Variants in DTWD2 observed in about 807,000 individuals in gnomAD.
The protein encoded by DTWD2 is DTW motif tRNA-uridine aminocarboxypropyltransferase 2.
In DTWD2, 39 loss-of-function variants were observed where a neutral mutation model predicts 31.8. The ratio of observed to expected loss-of-function variants is 1.22; its 90% confidence interval spans 0.95 to 1.60. DTWD2 has a LOEUF of 1.60. DTWD2 is among the 40% of genes most tolerant of loss of function. DTWD2 has a pLI of 0.00. For missense variants in DTWD2, 515 were observed against 381.5 expected (o/e 1.35, Z -2.92); for synonymous variants, 180 against 142.8 (o/e 1.26, Z -1.86).
intron 4 of DTWD2, among the ~76,000 whole-genome samples, chr5:118,854,355 A>G (rs978222562): frequency 6.6e-6 from 1 of 152,062 alleles, no homozygotes; most frequent in Admixed American, 6.6e-5. Flanking sequence ...TGAAAACCTT[A>G]TGTCAAAATA....
chr5:118,948,720 G>A lies in DTWD2; in HGVS notation c.219-4071C>T, dbSNP rs188846928. On this transcript the variant is annotated intron_variant, in intron 1 of 5. Coordinates refer to ENST00000510708, the MANE Select transcript of DTWD2 (RefSeq NM_173666.4). ...TTCTGACCGCACAGCCCTGCACTTC[G>A]GCTGTGTGTAATGAAAAGGGTTGGG... Among the ~76,000 whole-genome samples, 212 of 152,158 alleles carry A rather than the reference G, an allele frequency of 1.4e-3. 3 individuals carry two copies. The highest frequency in any genetic ancestry group is 0.013 in the East Asian group (67 of 5,180).
chr5:118,853,766 G>A (rs566425726), intron 4 of DTWD2, among the ~76,000 whole-genome samples: 16 of 152,240 alleles, frequency 1.1e-4, no homozygotes, highest in Middle Eastern at 3.4e-3. Flanking sequence ...GAAAAACTAC[G>A]TATTGGGTAC....
intron 1 of DTWD2, among the ~76,000 whole-genome samples, chr5:118,954,450 T>C (rs1754540114): frequency 6.6e-6 from 1 of 152,196 alleles, no homozygotes; most frequent in African/African-American, 2.4e-5. Flanking sequence ...AGCCTACCTT[T>C]TTCACTGCTA....
chr5:118,908,404 C>T (rs951630235), intron 4 of DTWD2, among the ~76,000 whole-genome samples: 10 of 151,998 alleles, frequency 6.6e-5, no homozygotes, highest in African/African-American at 2.4e-4. Context: ...AAACAAAAAA[C>T]CCAAGCTTCA....
intron 1 of DTWD2, among the ~76,000 whole-genome samples, chr5:118,966,054 C>T (rs978542170): frequency 2.0e-5 from 3 of 151,700 alleles, no homozygotes; most frequent in African/African-American, 7.3e-5. Flanking sequence ...ATGCACATAC[C>T]ACTATTTCTC....
In DTWD2 at chr5:118,863,659, T is replaced by A. The variant is rs555672311; in HGVS notation, c.598-15441A>T. ...TTTTGAGTCATTGTATTATAGCATT[T>A]TTGGACATAGAAGACATGCAGCTTG... On this transcript the variant is annotated intron_variant, in intron 4 of 5. Coordinates refer to ENST00000510708, the MANE Select transcript of DTWD2 (RefSeq NM_173666.4). Among the ~76,000 whole-genome samples, 260 of 152,320 alleles carry A rather than the reference T, an allele frequency of 1.7e-3. 1 individual carries two copies. Among genetic ancestry groups the A allele is most frequent in the Non-Finnish European group, 2.6e-3 (177 of 68,026 alleles).
chr5:118,967,070 A>G (rs77035042), intron 1 of DTWD2, among the ~76,000 whole-genome samples: 1 of 151,890 alleles, frequency 6.6e-6, no homozygotes, highest in Non-Finnish European at 1.5e-5. Context: ...AAAAAAAAAA[A>G]GTCAAATAGT....
intron 5 of DTWD2, among the ~76,000 whole-genome samples, chr5:118,841,571 G>A (rs909334003): frequency 2.0e-5 from 3 of 152,090 alleles, no homozygotes; most frequent in Non-Finnish European, 2.9e-5. Flanking sequence ...TTAGTGCCAT[G>A]GACCACATAC....
At chr5:118,862,525 A>G (rs1454882325) in intron 4 of DTWD2, among the ~76,000 whole-genome samples, 1 of 151,470 alleles carries the variant, frequency 6.6e-6, no homozygotes, top group Non-Finnish European at 1.5e-5. Context: ...ATTTAAAACT[A>G]AAAAAAAAGT....
chr5:118,973,348 G>A (rs942447126), intron 1 of DTWD2, among the ~76,000 whole-genome samples: 17 of 152,076 alleles, frequency 1.1e-4, no homozygotes, highest in Admixed American at 6.6e-4. Context: ...TCTTCATAGC[G>A]TCGATGGTCT....
chr5:118,954,542 G>A (rs1754542817), intron 1 of DTWD2, among the ~76,000 whole-genome samples: 1 of 151,942 alleles, frequency 6.6e-6, no homozygotes, highest in African/African-American at 2.4e-5. Flanking sequence ...TGAGACAGGT[G>A]TCACTCTGTC....
chr5:118,867,628 C>A (rs559403929), intron 4 of DTWD2, among the ~76,000 whole-genome samples: 14 of 152,298 alleles, frequency 9.2e-5, no homozygotes, highest in African/African-American at 2.9e-4. Flanking sequence ...ATGGTTAAAT[C>A]AGGTTGTCGG....
At chr5:118,875,830 G>A (rs1391658445) in intron 4 of DTWD2, among the ~76,000 whole-genome samples, 1 of 152,132 alleles carries the variant, frequency 6.6e-6, no homozygotes, top group Non-Finnish European at 1.5e-5. Context: ...AAGATATTAA[G>A]GACCTGAACT....
At chr5:118,941,590 T>A (rs149651459) in intron 2 of DTWD2, among the ~76,000 whole-genome samples, 4,734 of 152,298 alleles carry the variant, frequency 0.031, 219 homozygotes, top group African/African-American at 0.095. Context: ...GTTGGACATT[T>A]AGGTTGGTTC....
chr5:118,948,178 T>C (rs1754381463), intron 1 of DTWD2, among the ~76,000 whole-genome samples: 1 of 151,968 alleles, frequency 6.6e-6, no homozygotes, highest in Non-Finnish European at 1.5e-5. Context: ...GAACTGCCAT[T>C]AATAAACCAA....
chr5:118,956,292 C>G (rs981442801), intron 1 of DTWD2, among the ~76,000 whole-genome samples: 2 of 152,218 alleles, frequency 1.3e-5, no homozygotes, highest in Non-Finnish European at 2.9e-5. Context: ...AAAACCTATA[C>G]AACCCAATTA....
intron 4 of DTWD2, among the ~76,000 whole-genome samples, chr5:118,876,438 C>T (rs1407856472): frequency 6.6e-6 from 1 of 151,892 alleles, no homozygotes; most frequent in African/African-American, 2.4e-5. Flanking sequence ...ACCAAGGAAT[C>T]CAGGAGTTGA....
chr5:118,941,423 A>G (rs1357140123), intron 2 of DTWD2, among the ~76,000 whole-genome samples: 3 of 152,014 alleles, frequency 2.0e-5, no homozygotes, highest in Non-Finnish European at 4.4e-5. Flanking sequence ...GAGAACATGC[A>G]GTGTTTGGTT....
chr5:118,927,137 T>C (rs942708872), intron 4 of DTWD2, among the ~76,000 whole-genome samples: 4 of 152,126 alleles, frequency 2.6e-5, no homozygotes, highest in African/African-American at 9.7e-5. Context: ...CTCTCATGTC[T>C]CTTCTTCTAA....
Sources: allele counts gnomAD v4.1 joint callset (sites outside exome capture counted in the v4.1 genomes callset), GRCh38; gene constraint gnomAD v4.1.1; transcripts MANE v1.5; gene names NCBI Gene and HGNC (gene_info 2026-07-23, HGNC 2026-07-21).